The following CFLAR variants were observed in gnomAD, a reference collection of about 807,000 sequenced individuals.
The protein encoded by CFLAR is CASP8 and FADD-like apoptosis regulator.
CFLAR carries 14 observed loss-of-function variants against 51.1 expected under a neutral mutation model. The observed-to-expected ratio is 0.27, with a 90% CI of 0.18 to 0.43. The LOEUF (loss-of-function observed/expected upper bound fraction) is 0.43, where lower values mean the gene tolerates loss of function less well. Among genes scored for constraint, CFLAR ranks in the 20% least tolerant of loss-of-function variants. The pLI is 1.00. For missense variants in CFLAR, 390 were observed against 566.5 expected (o/e 0.69, Z 3.16); for synonymous variants, 210 against 211.6 (o/e 0.99, Z 0.06).
At chr2:201,117,330 C>T (rs377016492) in intron 1 of CFLAR, among the ~76,000 whole-genome samples, 10 of 152,270 alleles carry the variant, frequency 6.6e-5, no homozygotes, top group African/African-American at 2.4e-4. Flanking sequence ...TCAAGATGTT[C>T]TTGCTTGAGG....
intron 8 of CFLAR, among the ~76,000 whole-genome samples, chr2:201,152,161 T>C (rs1941388636): frequency 1.3e-5 from 2 of 152,006 alleles, no homozygotes; most frequent in South Asian, 4.2e-4. Context: ...GCCTGGCTAA[T>C]TTTTTGTATT....
chr2:201,158,886 A>G (rs1429551789), intron 8 of CFLAR, among the ~76,000 whole-genome samples: 2 of 147,690 alleles, frequency 1.4e-5, no homozygotes, highest in East Asian at 3.9e-4. Flanking sequence ...TATTATTATT[A>G]TTTGAATTTG....
intron 5 of CFLAR, among the ~76,000 whole-genome samples, chr2:201,141,045 A>G (rs1347275956): frequency 1.3e-5 from 2 of 152,148 alleles, no homozygotes; most frequent in Non-Finnish European, 1.5e-5. Flanking sequence ...GGCCTGGCCA[A>G]CATGGTGAAA....
intron 2 of CFLAR, 41 bp downstream of exon 2, chr2:201,130,187 G>GGCA: frequency 1.0e-5 from 3 of 292,394 alleles, no homozygotes; most frequent in Non-Finnish European, 2.1e-5. Flanking sequence ...GGGTGGGAGG[G>GGCA]AGTGAAGTGT....
chr2:201,161,401 A>C, intron 9 of CFLAR, among the ~76,000 whole-genome samples: 1 of 122,198 alleles, frequency 8.2e-6, no homozygotes, highest in East Asian at 2.1e-4. Flanking sequence ...ACAAATAACA[A>C]ATTTATTTAT....
intron 1 of CFLAR, among the ~76,000 whole-genome samples, chr2:201,121,451 A>C (rs2048179308): frequency 1.3e-5 from 2 of 152,208 alleles, no homozygotes; most frequent in Admixed American, 6.5e-5. Context: ...CCCAGGCAAG[A>C]GATGAGAAAC....
In CFLAR at chr2:201,165,215, C is replaced by G. The variant is rs1016140677; in HGVS notation, c.*1242C>G. 1.3e-5 allele frequency: 2 copies of G among 150,762 alleles called. No homozygotes were observed. Among genetic ancestry groups the G allele is most frequent in the African/African-American group, 4.9e-5 (2 of 40,940 alleles). 9.3% of individuals were successfully genotyped at this position (150,762 alleles called of 1,614,324 possible). ...TTGATAGTGTGACCTAAAAGGGGACCATTGTTTGAAATATCATTAGAGTTG... is the reference window on the plus strand; with the variant it reads ...TTGATAGTGTGACCTAAAAGGGGACGATTGTTTGAAATATCATTAGAGTTG... On this transcript the variant is annotated 3_prime_UTR_variant, in exon 10 of 10. Transcript: ENST00000309955.
At chr2:201,125,719 CAG>C (rs779036188) in intron 1 of CFLAR, among the ~76,000 whole-genome samples, 57 of 152,020 alleles carry the variant, frequency 3.7e-4, no homozygotes, top group Non-Finnish European at 7.2e-4. Flanking sequence ...AGGAGCTGAA[CAG>C]AGTCTTCCTG....
At chr2:201,141,618 TG>T in intron 5 of CFLAR, 1 of 1,312,414 alleles carries the variant, frequency 7.6e-7, no homozygotes, top group Non-Finnish European at 9.7e-7. Flanking sequence ...GTTTTTTTAC[TG>T]AGCTAATTTT....
At chr2:201,128,044 G>A (rs2048876013) in intron 1 of CFLAR, among the ~76,000 whole-genome samples, 1 of 152,108 alleles carries the variant, frequency 6.6e-6, no homozygotes, top group South Asian at 2.1e-4. Context: ...TAGTAGTTCT[G>A]TTTGGTTCTT....
intron 4 of CFLAR, chr2:201,136,451 T>TTGGCCTCA (rs1179915451): frequency 6.3e-7 from 1 of 1,597,892 alleles, no homozygotes; most frequent in Non-Finnish European, 8.5e-7. Flanking sequence ...GCTCTGGTAT[T>TTGGCCTCA]TGGCCTCACA....
chr2:201,140,863 A>G (rs185439934), intron 5 of CFLAR: 3 of 154,764 alleles, frequency 1.9e-5, no homozygotes, highest in African/African-American at 7.2e-5. Context: ...AAAAAAGAAA[A>G]TGTAACTTTA....
chr2:201,124,350 C>T lies in CFLAR; in HGVS notation c.-137-5379C>T, dbSNP rs1036034735. On this transcript the variant is annotated intron_variant, in intron 1 of 9. Transcript: ENST00000309955. The surrounding 1 kb of genome is among the most constrained non-coding windows in gnomAD (Gnocchi z 4.7). ...TTTTGTTTTGTTTTGTTTTGTTTTT[C>T]GAGACGGAGTTTCACTCTTGTTGCC... 1.3e-5 allele frequency among the ~76,000 whole-genome samples: 2 copies of T among 152,110 alleles called. No individual in the cohort carries two copies. Among genetic ancestry groups the T allele is most frequent in the Non-Finnish European group, 1.5e-5 (1 of 67,978 alleles).
intron 3 of CFLAR, 144 bp downstream of exon 3, chr2:201,133,278 A>G (rs2049572499): frequency 1.7e-6 from 1 of 603,036 alleles, no homozygotes; most frequent in Non-Finnish European, 3.0e-6. Context: ...AACAACATGA[A>G]TGGGAAGAGA....
At chr2:201,134,768 A>G (rs919836042) in intron 3 of CFLAR, among the ~76,000 whole-genome samples, 15 of 152,178 alleles carry the variant, frequency 9.9e-5, no homozygotes, top group African/African-American at 1.9e-4. Flanking sequence ...TTGAGAACCT[A>G]TTGTTTCTAA....
Position 201,138,033 on chromosome 2 carries a change from TG to T in CFLAR, c.523+1930del. On this transcript the variant is annotated intron_variant, in intron 4 of 9. Transcript: ENST00000309955. This position sits in a 1 kb window ranked among gnomAD's most constrained non-coding sequence, Gnocchi z 4.0. The stretch of plus-strand genomic sequence containing the variant: ...GGCCACCTTGTACACAGCAGTGCCC[TG>T]GGGCTGACTGCAGGCTATCACTTCC... 3 of 725,204 alleles carry T rather than the reference TG, an allele frequency of 4.1e-6. No individual in the cohort carries two copies. The allele number at this position is 725,204 out of a possible 1,614,324, so 44.9% of individuals were successfully genotyped here.
chr2:201,127,375 CTGGGTGTGG>C (rs1273425721), intron 1 of CFLAR, among the ~76,000 whole-genome samples: 1 of 152,108 alleles, frequency 6.6e-6, no homozygotes, highest in East Asian at 1.9e-4. Context: ...ACTCATTCAT[CTGGGTGTGG>C]TGGCTTACAC....
At chr2:201,153,181 T>C (rs1941568207) in intron 8 of CFLAR, 1 of 152,178 alleles carries the variant, frequency 6.6e-6, no homozygotes, top group South Asian at 2.1e-4. Flanking sequence ...AAATCAGTAA[T>C]TGGGCTTGAG....
chr2:201,138,455 G>A lies in CFLAR; in HGVS notation c.524-1902G>A, dbSNP rs2050452893. The A allele has an allele frequency of 1.1e-6, 1 of 877,052 alleles. No individual in the cohort carries two copies. Among genetic ancestry groups the A allele is most frequent in the Non-Finnish European group, 1.9e-6 (1 of 515,916 alleles). 54.3% of individuals were successfully genotyped at this position (877,052 alleles called of 1,614,324 possible). A position where few individuals can be genotyped will look rare whatever the true frequency, so the allele number is the denominator to read the frequency against. On this transcript the variant is annotated intron_variant, in intron 4 of 9. Transcript: ENST00000309955. This position sits in a 1 kb window ranked among gnomAD's most constrained non-coding sequence, Gnocchi z 4.0. ...AGGCAGCTTCCTTTCTTACTAAGCT[G>A]CAGGATCTCATTTGCCTCTTTCAAC...
Sources: allele counts gnomAD v4.1 joint callset (sites outside exome capture counted in the v4.1 genomes callset), GRCh38; gene constraint gnomAD v4.1.1; non-coding constraint Gnocchi (gnomAD v3.1); transcripts MANE v1.5; gene names NCBI Gene and HGNC (gene_info 2026-07-23, HGNC 2026-07-21).